Variants in AASDH observed in about 807,000 individuals in gnomAD.
AASDH encodes beta-alanine-activating enzyme.
A neutral mutation model predicts 102.3 loss-of-function variants in AASDH; 81 were observed. The observed-to-expected ratio is 0.79, with a 90% confidence interval of 0.66 to 0.95. The LOEUF is 0.95. Ranked by LOEUF, AASDH falls within the 40% of genes least tolerant of loss-of-function variation. The pLI, the probability that AASDH is intolerant of heterozygous loss-of-function variation, is 0.00. For missense variants in AASDH, 1,203 were observed against 1,266.2 expected (o/e 0.95, Z 0.76); for synonymous variants, 398 against 454.0 (o/e 0.88, Z 1.57).
chr4:56,341,756 C>T (rs1284287055), intron 14 of AASDH, among the ~76,000 whole-genome samples: 1 of 151,918 alleles, frequency 6.6e-6, no homozygotes, highest in Non-Finnish European at 1.5e-5. Flanking sequence ...ACAAATATTG[C>T]ATGTTCTCAC....
chr4:56,383,459 A>G (rs1753206123), intron 2 of AASDH, among the ~76,000 whole-genome samples: 1 of 152,176 alleles, frequency 6.6e-6, no homozygotes, highest in Non-Finnish European at 1.5e-5. Context: ...TATTTATATA[A>G]TTAATTTACT....
chr4:56,373,925 A>T (rs2109980054), intron 4 of AASDH, among the ~76,000 whole-genome samples: 1 of 152,360 alleles, frequency 6.6e-6, no homozygotes, highest in East Asian at 1.9e-4. Context: ...TAAAGGAAGA[A>T]AAAAAGTGGA....
intron 4 of AASDH, among the ~76,000 whole-genome samples, chr4:56,372,910 T>C (rs1013250220): frequency 6.6e-6 from 1 of 152,152 alleles, no homozygotes; most frequent in Admixed American, 6.5e-5. Flanking sequence ...TGTGTAGAAA[T>C]GTGATTCAAC....
At chr4:56,355,575 G>T in intron 5 of AASDH, 152 bp from the exon 6 acceptor site, 2 of 568,144 alleles carry the variant, frequency 3.5e-6, no homozygotes, top group East Asian at 3.4e-5. Flanking sequence ...AAAACTACTG[G>T]TGCAACATTA....
At chr4:56,387,332 C>T (rs1173859010) in intron 1 of AASDH, 30 bp downstream of exon 1, 1 of 152,474 alleles carries the variant, frequency 6.6e-6, no homozygotes, top group Non-Finnish European at 1.5e-5. Context: ...CACAGACCCC[C>T]GCCGGACACC....
At position 56,340,134 on chromosome 4, in the gene AASDH, A is replaced by G. The variant is rs536771298; in HGVS notation, c.2908-1343T>C. ...CAGTGAGCCAAAATTGTGCCAGTGC[A>G]CTCCAGCCTGGGCAACAGAACAAGA... On this transcript the variant is annotated intron_variant, in intron 14 of 14. Transcript: ENST00000205214. 1.5e-4 allele frequency among the ~76,000 whole-genome samples: 23 copies of G among 152,310 alleles called. No homozygotes were observed. In the South Asian group the frequency reaches 4.8e-3, roughly 32 times the overall value.
chr4:56,368,695 A>T (rs577130870), intron 5 of AASDH, among the ~76,000 whole-genome samples: 1 of 130,754 alleles, frequency 7.6e-6, no homozygotes, highest in East Asian at 2.6e-4. Context: ...CAGGAAGGGG[A>T]ACACCACACA....
intron 3 of AASDH, chr4:56,381,647 T>TCACACACACACA (rs1491305464): frequency 3.7e-5 from 1 of 27,334 alleles, no homozygotes; most frequent in African/African-American, 1.5e-4. Flanking sequence ...TCTTGACACT[T>TCACACACACACA]CTCACACACA....
rs1560556488 is a variant in AASDH at position 56,338,720 on chromosome 4, A to T, written c.2979T>A (p.Phe993Leu). 1.3e-5 allele frequency: 21 copies of T among 1,614,186 alleles called. No homozygotes were observed. Among genetic ancestry groups the T allele is most frequent in the Non-Finnish European group, 1.7e-5 (20 of 1,180,032 alleles). ...PCTSPSEQKI[F>L]FGSHDCFIYC... ...AGATAAAGCAATCATGGGAACCAAA[A>T]AATATTTTTTGCTCTGATGGTGAGG... Residue 993 changes from phenylalanine (F) to leucine (L), a missense_variant, in exon 15 of 15, where the codon TTT becomes TTA. Phe to Leu is a conservative substitution (Grantham distance 22). Transcript: ENST00000205214.
rs186825381 is a variant in AASDH at position 56,376,316 on chromosome 4, C to G, written c.668+1832G>C. ...GTGGGATTACAGGCATGAGCCACTG[C>G]ACCCAGCCAACCTCTCCCATCTTAA... On this transcript the variant is annotated intron_variant, in intron 4 of 14. Transcript: ENST00000205214. Among the ~76,000 whole-genome samples, 219 of 152,284 alleles carry G rather than the reference C, an allele frequency of 1.4e-3. 1 individual carries two copies. The highest frequency in any genetic ancestry group is 4.9e-3 in the African/African-American group (205 of 41,568).
chr4:56,367,997 A>G (rs1292514590), intron 5 of AASDH, among the ~76,000 whole-genome samples: 1 of 152,228 alleles, frequency 6.6e-6, no homozygotes, highest in African/African-American at 2.4e-5. Context: ...TCCAGAATCT[A>G]CAATGAACTC....
intron 5 of AASDH, among the ~76,000 whole-genome samples, chr4:56,362,703 A>G (rs549738483): frequency 6.6e-6 from 1 of 152,348 alleles, no homozygotes; most frequent in African/African-American, 2.4e-5. Context: ...TTGATGACTT[A>G]TATATCATTT....
At chr4:56,360,309 G>A (rs966979747) in intron 5 of AASDH, among the ~76,000 whole-genome samples, 4 of 152,162 alleles carry the variant, frequency 2.6e-5, no homozygotes, top group African/African-American at 7.2e-5. Flanking sequence ...GCAATCTCAG[G>A]CTAGAAGAGC....
chr4:56,382,606 A>G lies in AASDH; in HGVS notation c.231-9T>C. Reference sequence around the variant, plus strand: ...CCGGGACTTGGAGAATTCTAAAGAAAAAAGTACACAGTCAGCATAGAATGT... The same window carrying G: ...CCGGGACTTGGAGAATTCTAAAGAAGAAAGTACACAGTCAGCATAGAATGT... On this transcript the variant is annotated splice_polypyrimidine_tract_variant and intron_variant, in intron 2 of 14. Coordinates refer to ENST00000205214, the MANE Select transcript of AASDH (RefSeq NM_181806.4). 1.9e-6 allele frequency: 3 copies of G among 1,606,250 alleles called. No homozygotes were observed. The highest frequency in any genetic ancestry group is 2.5e-6 in the Non-Finnish European group (3 of 1,178,052).
rs751600558 is a variant in AASDH, at chr4:56,338,362, A to C, written c.*40T>G. ...GATGTATAATGGTAAAATATTTTCA[A>C]ATATCTCACATTTGTTATACAAATA... On this transcript the variant is annotated 3_prime_UTR_variant, in exon 15 of 15. Transcript: ENST00000205214. 1.3e-6 allele frequency: 2 copies of C among 1,576,744 alleles called. No individual in the cohort carries two copies. The highest frequency in any genetic ancestry group is 1.4e-5 in the African/African-American group (1 of 73,072).
chr4:56,341,946 T>C (rs1372378015), intron 14 of AASDH, among the ~76,000 whole-genome samples: 1 of 151,496 alleles, frequency 6.6e-6, no homozygotes, highest in African/African-American at 2.4e-5. Context: ...ACCCCGTCTC[T>C]ACTAAAAATA....
intron 4 of AASDH, 39 bp downstream of exon 4, chr4:56,378,109 A>G (rs1172825416): frequency 1.3e-6 from 2 of 1,545,188 alleles, no homozygotes; most frequent in South Asian, 1.3e-5. Flanking sequence ...CCTGGCCTAA[A>G]ATATAGATTC....
At chr4:56,359,097 T>C (rs1268220940) in intron 5 of AASDH, among the ~76,000 whole-genome samples, 1 of 138,680 alleles carries the variant, frequency 7.2e-6, no homozygotes, top group Non-Finnish European at 1.6e-5. Flanking sequence ...CTTTTTTTTG[T>C]TGTTGTTGTT....
At chr4:56,386,646 A>G (rs1354415536) in intron 1 of AASDH, among the ~76,000 whole-genome samples, 2 of 141,436 alleles carry the variant, frequency 1.4e-5, no homozygotes, top group Non-Finnish European at 3.1e-5. Context: ...ACAAAAAATT[A>G]GCCGGGCGCG....
Sources: gnomAD v4.1 joint callset for allele counts (sites outside exome capture counted in the v4.1 genomes callset) on GRCh38, gnomAD v4.1.1 for gene constraint, MANE v1.5 for transcripts, NCBI Gene and HGNC (gene_info 2026-07-23, HGNC 2026-07-21) for gene names.